KAZN: variants seen among roughly 807,000 people sequenced by gnomAD.
KAZN encodes kazrin, periplakin interacting protein, also known as kazrin.
KAZN carries 40 observed loss-of-function variants against 87.4 expected under a neutral mutation model. That is an observed-to-expected ratio of 0.46 (90% CI 0.36 to 0.60). The LOEUF (loss-of-function observed/expected upper bound fraction) is 0.60. Among genes scored for constraint, KAZN ranks in the 20% least tolerant of loss-of-function variants. The pLI, the probability that KAZN is intolerant of heterozygous loss-of-function variation, is 0.00. For synonymous variants in KAZN, 466 were observed against 458.3 expected, an observed-to-expected ratio of 1.02 and a Z score of -0.22; for missense variants, 898 against 1,073.9, an observed-to-expected ratio of 0.84 and a Z score of 2.29.
chr1:15,002,500 G>C (rs1486373996), intron 2 of KAZN, among the ~76,000 whole-genome samples: 1 of 152,176 alleles, frequency 6.6e-6, no homozygotes, highest in South Asian at 2.1e-4. Context: ...GACTGCCCGA[G>C]TTCTAAGCCT....
intron 3 of KAZN, among the ~76,000 whole-genome samples, chr1:15,041,648 T>C (rs1371732043): frequency 1.3e-5 from 2 of 152,088 alleles, no homozygotes; most frequent in Admixed American, 1.3e-4. Flanking sequence ...CACTCCCCTC[T>C]TATGTCCATG....
chr1:14,384,456 CATAG>C (rs1019643663), intron 2 of KAZN, among the ~76,000 whole-genome samples: 8 of 152,076 alleles, frequency 5.3e-5, no homozygotes, highest in African/African-American at 1.7e-4. Context: ...GTGGGTTTGT[CATAG>C]ATAGCTCTTA....
intron 1 of KAZN, among the ~76,000 whole-genome samples, chr1:14,005,554 A>G (rs995792072): frequency 2.6e-5 from 4 of 152,118 alleles, no homozygotes; most frequent in African/African-American, 9.7e-5. Context: ...GTATGTCCGA[A>G]GTTCAGAGGA....
intron 1 of KAZN, among the ~76,000 whole-genome samples, chr1:14,109,426 G>T (rs562882451): frequency 1.2e-4 from 19 of 152,210 alleles, no homozygotes; most frequent in Non-Finnish European, 2.6e-4. Context: ...ATATCTGATG[G>T]CTGTGTGTGT....
At chr1:14,936,784 C>T (rs753087168) in intron 1 of KAZN, among the ~76,000 whole-genome samples, 3 of 152,086 alleles carry the variant, frequency 2.0e-5, no homozygotes, top group South Asian at 2.1e-4. Flanking sequence ...GGAAAGATAC[C>T]CTCCCTCACC....
At chr1:14,274,067 CA>C (rs1290912845) in intron 2 of KAZN, among the ~76,000 whole-genome samples, 1 of 152,176 alleles carries the variant, frequency 6.6e-6, no homozygotes, top group Non-Finnish European at 1.5e-5. Flanking sequence ...CTAGGACACA[CA>C]AAGGCTGCAG....
At chr1:14,526,542 G>A (rs959276205) in intron 2 of KAZN, among the ~76,000 whole-genome samples, 11 of 152,152 alleles carry the variant, frequency 7.2e-5, no homozygotes, top group African/African-American at 1.7e-4. Context: ...AGAACCCTCC[G>A]GGTCATCTAT....
chr1:14,320,457 C>G (rs1443433205), intron 2 of KAZN, among the ~76,000 whole-genome samples: 1 of 152,140 alleles, frequency 6.6e-6, no homozygotes, highest in Non-Finnish European at 1.5e-5. Context: ...AGGCTTATCT[C>G]TAACTGCTTC....
At chr1:14,050,669 G>A (rs1454662289) in intron 1 of KAZN, among the ~76,000 whole-genome samples, 7 of 152,040 alleles carry the variant, frequency 4.6e-5, no homozygotes, top group Non-Finnish European at 1.0e-4. Context: ...GATTTGGGTG[G>A]GGATGCAGAG....
At chr1:14,723,280 T>C (rs1271118234) in intron 1 of KAZN, among the ~76,000 whole-genome samples, 2 of 152,162 alleles carry the variant, frequency 1.3e-5, no homozygotes, top group Non-Finnish European at 2.9e-5. Context: ...GCCCCCACAC[T>C]GTCCCCAGAA....
intron 2 of KAZN, among the ~76,000 whole-genome samples, chr1:14,320,664 G>A (rs1204814397): frequency 2.0e-5 from 3 of 152,128 alleles, no homozygotes; most frequent in African/African-American, 4.8e-5. Flanking sequence ...AATATTTCCT[G>A]GCAGTTGCTT....
In KAZN at chr1:15,020,133, G is replaced by A. The variant is rs146496550; in HGVS notation, c.419-14616G>A. Among the ~76,000 whole-genome samples, 1,169 of 152,190 alleles carry A rather than the reference G, an allele frequency of 7.7e-3. 10 individuals are homozygous for A. Among genetic ancestry groups the A allele is most frequent in the African/African-American group, 0.025 (1,047 of 41,516 alleles). On this transcript the variant is annotated intron_variant, in intron 2 of 14. Transcript: ENST00000376030. Reference sequence around the variant, plus strand: ...GCCCTGCCTCACTGCTACCCCAGGCGGGTGTCTACTGACGTCATGGGGACC... The same window carrying A: ...GCCCTGCCTCACTGCTACCCCAGGCAGGTGTCTACTGACGTCATGGGGACC...
chr1:14,869,421 T>A (rs1276872260), intron 1 of KAZN, among the ~76,000 whole-genome samples: 1 of 152,224 alleles, frequency 6.6e-6, no homozygotes, highest in African/African-American at 2.4e-5. Flanking sequence ...ACAGGCTGCA[T>A]GCTGGAGACT....
At chr1:14,871,971 C>T (rs1412225153) in intron 1 of KAZN, among the ~76,000 whole-genome samples, 1 of 152,112 alleles carries the variant, frequency 6.6e-6, no homozygotes, top group Non-Finnish European at 1.5e-5. Context: ...TGTTAATCAT[C>T]TGGGAGCTAC....
intron 3 of KAZN, among the ~76,000 whole-genome samples, chr1:15,039,340 G>A (rs978058153): frequency 6.6e-6 from 1 of 152,122 alleles, no homozygotes; most frequent in African/African-American, 2.4e-5. Context: ...TAGTCCCAGA[G>A]CCCCAGCCCC....
intron 2 of KAZN, among the ~76,000 whole-genome samples, chr1:14,209,255 A>T (rs1054546532): frequency 6.6e-6 from 1 of 152,208 alleles, no homozygotes; most frequent in Admixed American, 6.5e-5. Context: ...GCTCCATTCC[A>T]TTGAGAAACC....
intron 1 of KAZN, among the ~76,000 whole-genome samples, chr1:14,140,434 T>C (rs1388208625): frequency 6.6e-6 from 1 of 152,084 alleles, no homozygotes; most frequent in Non-Finnish European, 1.5e-5. Context: ...AATTATAAGA[T>C]GAAAACAGTT....
intron 1 of KAZN, among the ~76,000 whole-genome samples, chr1:14,727,475 T>C (rs1399521444): frequency 0.041 from 3,532 of 86,704 alleles, 525 homozygotes; most frequent in African/African-American, 0.16. Context: ...TTTTTTTTTT[T>C]TTTTTTTTTT....
chr1:15,089,453 T>C (rs1052216686), intron 8 of KAZN, among the ~76,000 whole-genome samples: 6 of 152,038 alleles, frequency 3.9e-5, no homozygotes, highest in African/African-American at 1.4e-4. Flanking sequence ...GCACCAAAGC[T>C]GTAGCCAGGA....
Sources: allele counts gnomAD v4.1 joint callset (sites outside exome capture counted in the v4.1 genomes callset), GRCh38; gene constraint gnomAD v4.1.1; transcripts MANE v1.5; gene names NCBI Gene and HGNC (gene_info 2026-07-23, HGNC 2026-07-21).